The following FLI1 variants were observed in gnomAD, a reference collection of about 807,000 sequenced individuals.
The protein encoded by FLI1 is Friend leukemia integration 1 transcription factor.
FLI1 carries 13 observed loss-of-function variants against 53.1 expected under a neutral mutation model. That is an observed-to-expected ratio of 0.24 (90% CI 0.16 to 0.39). The LOEUF (loss-of-function observed/expected upper bound fraction) is 0.39. FLI1 is among the 10% of genes least tolerant of loss of function. The pLI is 1.00. For missense variants in FLI1, 424 were observed against 600.5 expected (o/e 0.71, Z 3.07); for synonymous variants, 244 against 236.7 (o/e 1.03, Z -0.28).
At chr11:128,739,471 C>A (rs1006541736) in intron 1 of FLI1, among the ~76,000 whole-genome samples, 3 of 152,018 alleles carry the variant, frequency 2.0e-5, no homozygotes, top group African/African-American at 7.2e-5. Context: ...CCAAACAAGC[C>A]CGTGAGCCTT....
intron 2 of FLI1, chr11:128,764,898 C>A: frequency 6.8e-7 from 1 of 1,474,656 alleles, no homozygotes; most frequent in South Asian, 1.2e-5. Flanking sequence ...CAGGATGGTG[C>A]CAGCCCTTCT....
Position 128,694,237 on chromosome 11 carries a change from G to T in FLI1, c.-22G>T, listed in dbSNP as rs1281668606. 6.7e-7 allele frequency: 1 copy of T among 1,503,576 alleles called. No homozygotes were observed. The highest frequency in any genetic ancestry group is 8.9e-7 in the Non-Finnish European group (1 of 1,125,100). The allele number at this position is 1,503,576 out of a possible 1,614,324, so 93.1% of individuals were successfully genotyped here. ...GGGTCAATGTGTGGAATATTGGGGGGCTCGGCTGCAGACTTGGCCAAATGG... is the reference window on the plus strand; with the variant it reads ...GGGTCAATGTGTGGAATATTGGGGGTCTCGGCTGCAGACTTGGCCAAATGG... On this transcript the variant is annotated 5_prime_UTR_variant, in exon 1 of 9. Transcript: ENST00000527786.
At chr11:128,805,605 G>C in intron 6 of FLI1, 174 bp downstream of exon 6, 1 of 542,838 alleles carries the variant, frequency 1.8e-6, no homozygotes, top group Non-Finnish European at 3.3e-6. Flanking sequence ...CTTGAAAGAT[G>C]ATATGGGATT....
chr11:128,812,910 T>C lies in FLI1; in HGVS notation c.*1922T>C, dbSNP rs2135929167. The C allele has an allele frequency of 8.5e-6, 1 of 117,064 alleles. No individual in the cohort carries two copies. Among genetic ancestry groups the C allele is most frequent in the South Asian group, 3.1e-4 (1 of 3,244 alleles). 7.3% of individuals were successfully genotyped at this position (117,064 alleles called of 1,614,324 possible). A position where few individuals can be genotyped will look rare whatever the true frequency, so the allele number is the denominator to read the frequency against. On this transcript the variant is annotated 3_prime_UTR_variant, in exon 9 of 9. Coordinates refer to ENST00000527786, the MANE Select transcript of FLI1 (RefSeq NM_002017.5). Reference sequence around the variant, plus strand: ...AGTTCCTTCACTGTTAGGTAGCTTATTTTCATTTTCTCTATTTTACAATGA... The same window carrying C: ...AGTTCCTTCACTGTTAGGTAGCTTACTTTCATTTTCTCTATTTTACAATGA...
intron 2 of FLI1, among the ~76,000 whole-genome samples, chr11:128,764,335 G>A (rs1036349793): frequency 1.3e-5 from 2 of 152,224 alleles, no homozygotes; most frequent in African/African-American, 4.8e-5. Flanking sequence ...GGAGTCAAGA[G>A]CTATGTCCAG....
chr11:128,793,161 A>C (rs1015463307), intron 5 of FLI1, among the ~76,000 whole-genome samples: 2 of 151,926 alleles, frequency 1.3e-5, no homozygotes, highest in Non-Finnish European at 2.9e-5. Flanking sequence ...AAATTCAATA[A>C]ATTTAATAAA....
At position 128,781,830 on chromosome 11, in the gene FLI1, C is replaced by T. The variant is rs562930233; in HGVS notation, c.590-128C>T. On this transcript the variant is annotated intron_variant, in intron 4 of 8. Transcript: ENST00000527786. ...GATTCCATTCGCTTTTCCTTTCTTCCTAGGAGTCCTCTGTCCCTCTTCCCC... is the reference window on the plus strand; with the variant it reads ...GATTCCATTCGCTTTTCCTTTCTTCTTAGGAGTCCTCTGTCCCTCTTCCCC... The T allele has an allele frequency of 1.1e-5, 8 of 747,968 alleles. No homozygotes were observed. The East Asian group carries it at 2.0e-4, about 19-fold the overall frequency. The allele number at this position is 747,968 out of a possible 1,614,324, so 46.3% of individuals were successfully genotyped here. A position where few individuals can be genotyped will look rare whatever the true frequency, so the allele number is the denominator to read the frequency against.
rs1319894662 is a variant in FLI1 at position 128,810,664 on chromosome 11, A to G, written c.1035A>G (p.Lys345=). ...GGGCCCTCCGTTATTACTATGATAAAAACATTATGACCAAAGTGCACGGCA... is the reference window on the plus strand; with the variant it reads ...GGGCCCTCCGTTATTACTATGATAAGAACATTATGACCAAAGTGCACGGCA... ...LSRALRYYYD[K]NIMTKVHGKR... Residue 345 remains lysine, a synonymous_variant, in exon 9 of 9, where the codon AAA becomes AAG. Transcript: ENST00000527786. The surrounding 1 kb of genome is among the most constrained non-coding windows in gnomAD (Gnocchi z 6.6). 27 of 1,613,982 alleles carry G rather than the reference A, an allele frequency of 1.7e-5. No homozygotes were observed. Among genetic ancestry groups the G allele is most frequent in the Non-Finnish European group, 2.2e-5 (26 of 1,179,942 alleles).
chr11:128,793,577 C>T (rs1230636299), intron 5 of FLI1, among the ~76,000 whole-genome samples: 1 of 152,240 alleles, frequency 6.6e-6, no homozygotes, highest in African/African-American at 2.4e-5. Flanking sequence ...CTTCTCACCC[C>T]TGTGCCAGAA....
Position 128,770,217 on chromosome 11 carries a change from A to G in FLI1, c.385+1945A>G, listed in dbSNP as rs546195761. 8.5e-5 allele frequency among the ~76,000 whole-genome samples: 13 copies of G among 152,346 alleles called. No homozygotes were observed. In the South Asian group the frequency reaches 2.7e-3, roughly 32 times the overall value. On this transcript the variant is annotated intron_variant, in intron 3 of 8. Transcript: ENST00000527786. Reference sequence around the variant, plus strand: ...GCAAAACATCAGGCTTGGCTGAGCCAAGTTACCTATAGCGCTGGTGGTGAA... The same window carrying G: ...GCAAAACATCAGGCTTGGCTGAGCCGAGTTACCTATAGCGCTGGTGGTGAA...
chr11:128,792,513 C>G (rs530050724), intron 5 of FLI1, among the ~76,000 whole-genome samples: 11 of 152,252 alleles, frequency 7.2e-5, no homozygotes, highest in African/African-American at 2.6e-4. Context: ...CATGCTTTGT[C>G]CACGCTTATC....
intron 3 of FLI1, among the ~76,000 whole-genome samples, chr11:128,772,111 T>C (rs1489214039): frequency 6.6e-6 from 1 of 151,422 alleles, no homozygotes; most frequent in Non-Finnish European, 1.5e-5. Context: ...GAGGTATGAG[T>C]GTCCTACCAT....
Position 128,805,371 on chromosome 11 carries a change from T to C in FLI1, c.661T>C (p.Ser221Pro). The C allele has an allele frequency of 6.3e-7, 1 of 1,583,148 alleles. No homozygotes were observed. The highest frequency in any genetic ancestry group is 8.6e-7 in the Non-Finnish European group (1 of 1,160,762). The change falls in exon 6 of 9, where the codon TCT (serine) becomes CCT (proline). Residue 221 changes from serine to proline, a missense_variant. Transcript: ENST00000527786. The stretch of plus-strand genomic sequence containing the variant: ...TATTTGTTATTGTTCATTAGACCCT[T>C]CTTATGACTCAGTCAGAAGAGGAGC... ...SSRLSVKEDP[S>P]YDSVRRGAWG... is the part of the protein sequence containing the mutation.
intron 1 of FLI1, among the ~76,000 whole-genome samples, 181 bp downstream of exon 1, chr11:128,694,457 C>G (rs1937937180): frequency 0.071 from 1 of 14 alleles, no homozygotes; most frequent in Non-Finnish European, 0.12. Context: ...GCCAGCCGGC[C>G]AGGCGCCCGC....
At chr11:128,693,506 C>A (rs59646850), upstream of FLI1, 5 of 177,578 alleles carry the variant, frequency 2.8e-5, no homozygotes. Context: ...GCCAACTCTC[C>A]CTCCATACCC....
At position 128,773,079 on chromosome 11, in the gene FLI1, G is replaced by A. The variant is rs191419191; in HGVS notation, c.589+94G>A. The A allele has an allele frequency of 4.9e-5, 57 of 1,168,936 alleles. 1 individual carries two copies. The Middle Eastern group carries it at 1.0e-3, about 21-fold the overall frequency. 72.4% of individuals were successfully genotyped at this position (1,168,936 alleles called of 1,614,324 possible). On this transcript the variant is annotated intron_variant, in intron 4 of 8. Transcript: ENST00000527786. ...CAGTGCTGCCCGTTCGTGTTGGGCA[G>A]ATGCCGCCGGAGCAGCATCGTGGGG...
intron 1 of FLI1, among the ~76,000 whole-genome samples, chr11:128,751,004 T>C (rs886430054): frequency 2.6e-5 from 4 of 152,222 alleles, no homozygotes; most frequent in African/African-American, 9.6e-5. Context: ...CACAGGGCTA[T>C]TCAGGCTATG....
intron 1 of FLI1, among the ~76,000 whole-genome samples, chr11:128,706,417 C>A (rs182716914): frequency 8.5e-5 from 13 of 152,298 alleles, no homozygotes; most frequent in African/African-American, 3.1e-4. Context: ...AACAAGGGAG[C>A]ACTGTTAAGA....
chr11:128,689,577 C>G (rs936415924), upstream of FLI1, among the ~76,000 whole-genome samples: 8 of 152,272 alleles, frequency 5.3e-5, no homozygotes, highest in African/African-American at 1.4e-4. Context: ...CGGCGGGTCT[C>G]GAAGCTGAGT....
Sources: allele counts gnomAD v4.1 joint callset (sites outside exome capture counted in the v4.1 genomes callset), GRCh38; gene constraint gnomAD v4.1.1; non-coding constraint Gnocchi (gnomAD v3.1); transcripts MANE v1.5; gene names NCBI Gene and HGNC (gene_info 2026-07-23, HGNC 2026-07-21).